TAGLN3: variants seen among roughly 807,000 people sequenced by gnomAD.
The protein encoded by TAGLN3 is transgelin-3.
TAGLN3 carries 12 observed loss-of-function variants against 25.4 expected under a neutral mutation model. That is an observed-to-expected ratio of 0.47 (90% CI 0.30 to 0.77). The LOEUF is 0.77. Ranked by LOEUF, TAGLN3 falls within the 30% of genes least tolerant of loss-of-function variation. The pLI is 0.06. For missense variants in TAGLN3, 218 were observed against 255.8 expected, an observed-to-expected ratio of 0.85 and a Z score of 1.01; for synonymous variants, 96 against 94.8, an observed-to-expected ratio of 1.01 and a Z score of -0.08.
intron 4 of TAGLN3, among the ~76,000 whole-genome samples, chr3:112,012,220 T>TTGCC (rs1426485894): frequency 9.2e-6 from 1 of 108,610 alleles, no homozygotes. Context: ...GCCTGGCTGC[T>TTGCC]TCCCTCCCTC....
intron 3 of TAGLN3, among the ~76,000 whole-genome samples, chr3:112,004,438 G>A (rs1195509137): frequency 6.6e-6 from 1 of 151,924 alleles, no homozygotes; most frequent in African/African-American, 2.4e-5. Flanking sequence ...GAGCAAGTGA[G>A]TGTGCTGGTG....
intron 3 of TAGLN3, among the ~76,000 whole-genome samples, chr3:112,010,968 T>G (rs1227467185): frequency 2.0e-5 from 3 of 152,176 alleles, no homozygotes; most frequent in Non-Finnish European, 4.4e-5. Context: ...AAAGAGAGCC[T>G]TAATATTTGC....
At chr3:112,000,349 C>A (rs568555292) in intron 2 of TAGLN3, among the ~76,000 whole-genome samples, 90 of 152,210 alleles carry the variant, frequency 5.9e-4, no homozygotes, top group African/African-American at 1.6e-3. Context: ...GCTTAATTTG[C>A]CTTTTGATAG....
intron 4 of TAGLN3, among the ~76,000 whole-genome samples, chr3:112,013,091 C>G (rs547312996): frequency 6.6e-6 from 1 of 152,246 alleles, no homozygotes; most frequent in East Asian, 1.9e-4. Flanking sequence ...AGAGAGGTAG[C>G]CACTGATTCT....
Position 112,013,495 on chromosome 3 carries a change from A to G in TAGLN3, c.544A>G (p.Lys182Glu), listed in dbSNP as rs1455542632. Residue 182 changes from lysine to glutamate, a missense_variant, in exon 5 of 5, where the codon AAG becomes GAG. Physicochemically the swap from Lys to Glu is moderately conservative, Grantham distance 56. Transcript: ENST00000478951. ...AATAGGCCTGCAGATGGGCAGCAAC[A>G]AGGGAGCCTCCCAGGCGGGCATGAC... ...NVIGLQMGSN[K>E]GASQAGMTGY... 1.2e-6 allele frequency: 2 copies of G among 1,614,080 alleles called. No homozygotes were observed. Among genetic ancestry groups the G allele is most frequent in the East Asian group, 2.2e-5 (1 of 44,896 alleles).
At chr3:112,010,239 C>A (rs1157020482) in intron 3 of TAGLN3, among the ~76,000 whole-genome samples, 1 of 152,074 alleles carries the variant, frequency 6.6e-6, no homozygotes, top group Non-Finnish European at 1.5e-5. Context: ...TCAGGCCCCA[C>A]ATTTTCCCAG....
chr3:112,009,596 CTG>C (rs2072953552), intron 3 of TAGLN3, among the ~76,000 whole-genome samples: 1 of 152,196 alleles, frequency 6.6e-6, no homozygotes, highest in Non-Finnish European at 1.5e-5. Flanking sequence ...GAGCTGGGCT[CTG>C]TTAACTGATT....
chr3:112,011,494 T>C (rs1186581900), intron 3 of TAGLN3, among the ~76,000 whole-genome samples: 1 of 152,260 alleles, frequency 6.6e-6, no homozygotes, highest in Non-Finnish European at 1.5e-5. Context: ...ATTTTATTTA[T>C]ACAGCAACTA....
Position 112,001,131 on chromosome 3 carries a change from T to C in TAGLN3, c.355+185T>C, listed in dbSNP as rs114633588. The stretch of plus-strand genomic sequence containing the variant: ...GTTCTATTAAAAGGAGGTACCCTCT[T>C]CTAATGGAACACACACCCTGAGGAC... On this transcript the variant is annotated intron_variant, in intron 3 of 4. Coordinates refer to ENST00000478951, the MANE Select transcript of TAGLN3 (RefSeq NM_001008272.2). 7.5e-3 allele frequency among the ~76,000 whole-genome samples: 1,145 copies of C among 152,270 alleles called. 11 individuals are homozygous for C. Among genetic ancestry groups the C allele is most frequent in the African/African-American group, 0.025 (1,041 of 41,536 alleles).
intron 3 of TAGLN3, among the ~76,000 whole-genome samples, chr3:112,004,313 C>T (rs754794742): frequency 1.3e-5 from 2 of 152,022 alleles, no homozygotes; most frequent in Non-Finnish European, 2.9e-5. Context: ...AGAAAGTACT[C>T]TGCAGGTAAG....
intron 3 of TAGLN3, among the ~76,000 whole-genome samples, chr3:112,010,476 G>A (rs2072963635): frequency 6.6e-6 from 1 of 152,180 alleles, no homozygotes; most frequent in African/African-American, 2.4e-5. Context: ...TTTTTAAAAA[G>A]TGTCCCATTA....
chr3:112,011,588 G>T (rs1458661085), intron 3 of TAGLN3, among the ~76,000 whole-genome samples, 175 bp from the exon 4 acceptor site: 1 of 152,228 alleles, frequency 6.6e-6, no homozygotes, highest in Non-Finnish European at 1.5e-5. Flanking sequence ...TTTCTGAGAA[G>T]TTTGGGTATG....
chr3:112,013,781 C>T lies in TAGLN3; in HGVS notation c.*230C>T. 1 of 600,730 alleles carries T rather than the reference C, an allele frequency of 1.7e-6. No individual in the cohort carries two copies. The highest frequency in any genetic ancestry group is 3.0e-6 in the Non-Finnish European group (1 of 337,742). 37.2% of individuals were successfully genotyped at this position (600,730 alleles called of 1,614,324 possible). ...CTTCCGTTTTCCTGAGCTCCTCGGG[C>T]CCCAGAGTCTCTGTTTGATTATTTA... is the stretch of plus-strand genomic sequence containing the variant. On this transcript the variant is annotated 3_prime_UTR_variant, in exon 5 of 5. Coordinates refer to ENST00000478951, the MANE Select transcript of TAGLN3 (RefSeq NM_001008272.2).
At chr3:112,003,958 T>G (rs563742711) in intron 3 of TAGLN3, among the ~76,000 whole-genome samples, 18 of 152,306 alleles carry the variant, frequency 1.2e-4, no homozygotes, top group Non-Finnish European at 2.2e-4. Context: ...GATGTACCAC[T>G]ATCCTTAATC....
intron 3 of TAGLN3, among the ~76,000 whole-genome samples, chr3:112,004,946 G>C (rs1382469040): frequency 2.0e-5 from 3 of 152,072 alleles, no homozygotes; most frequent in Non-Finnish European, 1.5e-5. Context: ...CAAATGACCA[G>C]GCTTTAGGCA....
intron 3 of TAGLN3, among the ~76,000 whole-genome samples, chr3:112,010,373 T>G (rs74716111): frequency 0.054 from 8,297 of 152,258 alleles, 298 homozygotes; most frequent in Middle Eastern, 0.14. Flanking sequence ...TTTATTTCTC[T>G]AGGTTCCCTT....
Position 111,999,540 on chromosome 3 carries a change from G to A in TAGLN3, c.118G>A (p.Glu40Lys). The change falls in exon 2 of 5, where the codon GAG becomes AAG. Residue 40 changes from glutamate (E) to lysine (K), a missense_variant. By Grantham distance (56) the Glu-to-Lys change is moderately conservative. Transcript: ENST00000478951. ...LVDWIILQCA[E>K]DIEHPPPGRA... ...GGACTGGATCATCCTGCAGTGCGCC[G>A]AGGACATAGAGCACCCGCCCCCCGG... is the stretch of plus-strand genomic sequence containing the variant. 6.2e-7 allele frequency: 1 copy of A among 1,614,176 alleles called. No homozygotes were observed. The highest frequency in any genetic ancestry group is 2.2e-5 in the East Asian group (1 of 44,886).
intron 3 of TAGLN3, among the ~76,000 whole-genome samples, chr3:112,005,877 T>A (rs979136494): frequency 1.3e-5 from 2 of 151,730 alleles, no homozygotes; most frequent in African/African-American, 2.4e-5. Flanking sequence ...ATTTTTTTTT[T>A]ATTTTTAGTA....
intron 3 of TAGLN3, among the ~76,000 whole-genome samples, chr3:112,003,727 A>T (rs2072887741): frequency 1.3e-5 from 2 of 152,036 alleles, no homozygotes; most frequent in Non-Finnish European, 2.9e-5. Flanking sequence ...CTCCTTGCCT[A>T]GGAGCTTCTT....
Sources: allele counts gnomAD v4.1 joint callset (sites outside exome capture counted in the v4.1 genomes callset), GRCh38; gene constraint gnomAD v4.1.1; transcripts MANE v1.5; gene names NCBI Gene and HGNC (gene_info 2026-07-23, HGNC 2026-07-21).